The following GRK1 variants were observed in gnomAD, a reference collection of about 807,000 sequenced individuals.
GRK1 encodes rhodopsin kinase GRK1.
Under a neutral mutation model 41.7 loss-of-function variants are expected in GRK1, and 28 were observed. The ratio of observed to expected loss-of-function variants is 0.67; its 90% CI spans 0.50 to 0.92. GRK1 has a LOEUF of 0.92. Ranked by LOEUF, GRK1 falls within the 40% of genes least tolerant of loss-of-function variation. GRK1 has a pLI of 0.00. For synonymous variants in GRK1, 327 were observed against 286.7 expected (o/e 1.14, Z -1.42); for missense variants, 703 against 671.2 (o/e 1.05, Z -0.52).
chr13:113,734,936 G>A (rs376710417), intron 6 of GRK1, 132 bp from the exon 7 acceptor site: 336 of 897,514 alleles, frequency 3.7e-4, no homozygotes, highest in Middle Eastern at 7.2e-4. Context: ...CAGCCTCCAC[G>A]ACACTTCCCT....
upstream of GRK1, among the ~76,000 whole-genome samples, chr13:113,662,792 TAG>T (rs2049797360): frequency 6.6e-6 from 1 of 152,150 alleles, no homozygotes. Flanking sequence ...TGAAAGAAAT[TAG>T]AGTTTGAATA....
In GRK1 at chr13:113,737,305, G is replaced by A. The variant is rs2050011370; in HGVS notation, c.*1942G>A. On this transcript the variant is annotated 3_prime_UTR_variant, in exon 7 of 7. Transcript: ENST00000335678. The stretch of plus-strand genomic sequence containing the variant: ...TAGGTCCCACGTCAGCCACACCCTG[G>A]GTGAGGAGCACGTCTTCCCATAGAT... 6.8e-6 allele frequency: 1 copy of A among 146,760 alleles called. No individual in the cohort carries two copies. Among genetic ancestry groups the A allele is most frequent in the African/African-American group, 2.6e-5 (1 of 39,180 alleles). The allele number at this position is 146,760 out of a possible 1,614,324, so 9.1% of individuals were successfully genotyped here.
chr13:113,664,954 G>A (rs2049808350), upstream of GRK1, among the ~76,000 whole-genome samples: 1 of 152,318 alleles, frequency 6.6e-6, no homozygotes, highest in South Asian at 2.1e-4. This position sits in a 1 kb window ranked among gnomAD's most constrained non-coding sequence, Gnocchi z 5.4. Flanking sequence ...TGAACGATGG[G>A]ATATCACTCA....
the GRK1 span, chr13:113,653,352 G>T: frequency 6.2e-6 from 10 of 1,614,088 alleles, no homozygotes; most frequent in East Asian, 6.7e-5. Flanking sequence ...TCTGTGTGAG[G>T]TCTGCCCAGG....
At chr13:113,658,195 G>C in the GRK1 span, 1 of 1,537,558 alleles carries the variant, frequency 6.5e-7, no homozygotes, top group Non-Finnish European at 8.9e-7. Flanking sequence ...TCTACGCCCA[G>C]ACTGAGGCCA....
At chr13:113,658,267 G>A in the GRK1 span, 13 of 947,426 alleles carry the variant, frequency 1.4e-5, no homozygotes, top group Non-Finnish European at 2.0e-5. Flanking sequence ...GCAGGCGAAG[G>A]ATCCCAGGGA....
the GRK1 span, chr13:113,654,903 A>T: frequency 6.2e-7 from 1 of 1,614,260 alleles, no homozygotes; most frequent in Non-Finnish European, 8.5e-7. Context: ...GAGCCCAGTC[A>T]TCACCACGTA....
rs1219152229 is a variant in GRK1 at position 113,731,393 on chromosome 13, C to A, written c.1194+50C>A. On this transcript the variant is annotated intron_variant, in intron 5 of 6. Transcript: ENST00000335678. The surrounding 1 kb of genome is among the most constrained non-coding windows in gnomAD (Gnocchi z 5.6). ...CTGCAGCCACCTTGGCGCCCTGGCT[C>A]TCGATGGGGACGGGGCAGTGATGGG... 7.2e-6 allele frequency: 11 copies of A among 1,535,138 alleles called. No homozygotes were observed. Among genetic ancestry groups the A allele is most frequent in the Non-Finnish European group, 9.6e-6 (11 of 1,145,956 alleles).
intron 4 of GRK1, among the ~76,000 whole-genome samples, chr13:113,723,450 A>G (rs2049869309): frequency 1.3e-5 from 2 of 152,062 alleles, no homozygotes; most frequent in Non-Finnish European, 2.9e-5. Context: ...GTTTGGTTTT[A>G]CACATTTTAG....
the GRK1 span, among the ~76,000 whole-genome samples, chr13:113,659,856 G>A: frequency 6.6e-6 from 1 of 152,174 alleles, no homozygotes; most frequent in South Asian, 2.1e-4. Flanking sequence ...ACAGACTGTG[G>A]CCCTGGGACC....
chr13:113,735,432 G>T lies in GRK1; in HGVS notation c.*69G>T. 1 of 1,416,190 alleles carries T rather than the reference G, an allele frequency of 7.1e-7. No individual in the cohort carries two copies. The highest frequency in any genetic ancestry group is 1.5e-5 in the South Asian group (1 of 65,612). 87.7% of individuals were successfully genotyped at this position (1,416,190 alleles called of 1,614,324 possible). A position where few individuals can be genotyped will look rare whatever the true frequency, so the allele number is the denominator to read the frequency against. On this transcript the variant is annotated 3_prime_UTR_variant, in exon 7 of 7. Transcript: ENST00000335678. ...TCGATGGGGGCCGCCTGCCTCCGTGGTGCCAGCCTGGGGTCTGCTAGCAAG... is the reference window on the plus strand; with the variant it reads ...TCGATGGGGGCCGCCTGCCTCCGTGTTGCCAGCCTGGGGTCTGCTAGCAAG...
intron 4 of GRK1, among the ~76,000 whole-genome samples, chr13:113,723,582 G>T (rs533781283): frequency 6.6e-6 from 1 of 152,146 alleles, no homozygotes; most frequent in Non-Finnish European, 1.5e-5. Flanking sequence ...TTGAGTTTCT[G>T]ATGAGTCTCT....
chr13:113,650,583 G>C, the GRK1 span: 1 of 1,168,288 alleles, frequency 8.6e-7, no homozygotes, highest in Non-Finnish European at 1.2e-6. This position sits in a 1 kb window ranked among gnomAD's most constrained non-coding sequence, Gnocchi z 5.0. Flanking sequence ...GTTTGTGTGC[G>C]TGTGTGCACA....
At chr13:113,733,776 T>C (rs1566699915) in intron 6 of GRK1, among the ~76,000 whole-genome samples, 1 of 130,020 alleles carries the variant, frequency 7.7e-6, no homozygotes, top group African/African-American at 3.7e-5. Flanking sequence ...TGTGTGTGCA[T>C]ACGTGTGTGC....
chr13:113,735,021 C>G, intron 6 of GRK1, 47 bp from the exon 7 acceptor site: 10 of 1,447,886 alleles, frequency 6.9e-6, no homozygotes, highest in Non-Finnish European at 9.1e-6. Context: ...ACGGCGCTTC[C>G]TTCCCACCAC....
At chr13:113,656,548 T>C in the GRK1 span, among the ~76,000 whole-genome samples, 1,169 of 152,218 alleles carry the variant, frequency 7.7e-3, 16 homozygotes, top group African/African-American at 0.027. Context: ...CACGCTGCAG[T>C]GCACAGGGGA....
the GRK1 span, chr13:113,657,970 T>G: frequency 5.1e-6 from 7 of 1,367,046 alleles, no homozygotes; most frequent in Non-Finnish European, 7.0e-6. Context: ...TGAGCTCACC[T>G]GGAGGCTGCG....
chr13:113,659,663 G>A, the GRK1 span, among the ~76,000 whole-genome samples: 11 of 151,980 alleles, frequency 7.2e-5, no homozygotes, highest in African/African-American at 2.4e-4. Flanking sequence ...GAACTCCTGA[G>A]TTCAAGGGAT....
rs186056888 is a variant in GRK1, at chr13:113,733,585, A to G, written c.1396+500A>G. ...TCCATGTATGTGTATGTGTGTGCAT[A>G]CGTGTGTGTGCATGTGTGCGCATGT... On this transcript the variant is annotated intron_variant, in intron 6 of 6. Coordinates refer to ENST00000335678, the MANE Select transcript of GRK1 (RefSeq NM_002929.3). Among the ~76,000 whole-genome samples, 7 of 141,148 alleles carry G rather than the reference A, an allele frequency of 5.0e-5. No individual in the cohort carries two copies. In the East Asian group the frequency reaches 1.3e-3, roughly 26 times the overall value. The allele number at this position is 141,148 out of a possible 152,430, so 92.6% of individuals were successfully genotyped here. A position where few individuals can be genotyped will look rare whatever the true frequency, so the allele number is the denominator to read the frequency against.
Sources: allele counts gnomAD v4.1 joint callset (sites outside exome capture counted in the v4.1 genomes callset), GRCh38; gene constraint gnomAD v4.1.1; non-coding constraint Gnocchi (gnomAD v3.1); transcripts MANE v1.5; gene names NCBI Gene and HGNC (gene_info 2026-07-23, HGNC 2026-07-21).